THSD4: variants seen among roughly 807,000 people sequenced by gnomAD.
THSD4 encodes thrombospondin type 1 domain containing 4.
Under a neutral mutation model 119.0 loss-of-function variants are expected in THSD4, and 69 were observed. That is an observed-to-expected ratio of 0.58 (90% CI 0.48 to 0.71). THSD4 has a LOEUF of 0.71. Ranked by LOEUF, THSD4 falls within the 30% of genes least tolerant of loss-of-function variation. The pLI is 0.00. For missense variants in THSD4, 1,393 were observed against 1,391.1 expected (o/e 1.00, Z -0.02); for synonymous variants, 524 against 540.4 (o/e 0.97, Z 0.42).
intron 6 of THSD4, among the ~76,000 whole-genome samples, chr15:71,274,997 TTCTC>T (rs1368758627): frequency 6.6e-6 from 1 of 152,188 alleles, no homozygotes; most frequent in African/African-American, 2.4e-5. Flanking sequence ...ATCCTATTGT[TTCTC>T]TCTTCCAAGA....
chr15:71,471,231 G>C (rs914022284), intron 7 of THSD4, among the ~76,000 whole-genome samples: 4 of 152,108 alleles, frequency 2.6e-5, no homozygotes, highest in Non-Finnish European at 4.4e-5. Context: ...TTGGATGTGA[G>C]CACATGGGCC....
Position 71,473,475 on chromosome 15 carries a change from G to A in THSD4, c.1152+61652G>A, listed in dbSNP as rs780126393. ...GAGCACGGAATTACTTGGAGTTGTCGCTGTTTCTGAGCCTTCAAATCTACC... is the reference window on the plus strand; with the variant it reads ...GAGCACGGAATTACTTGGAGTTGTCACTGTTTCTGAGCCTTCAAATCTACC... On this transcript the variant is annotated intron_variant, in intron 7 of 17. Transcript: ENST00000261862. Among the ~76,000 whole-genome samples the A allele has an allele frequency of 5.9e-5, 9 of 152,296 alleles. No individual in the cohort carries two copies. The South Asian group carries it at 6.2e-4, about 11-fold the overall frequency.
At chr15:71,379,450 C>CCT (rs1566962165) in intron 6 of THSD4, among the ~76,000 whole-genome samples, 1 of 77,562 alleles carries the variant, frequency 1.3e-5, no homozygotes, top group African/African-American at 4.6e-5. Context: ...CAAATGGCTT[C>CCT]TTTTTTTTTT....
intron 6 of THSD4, among the ~76,000 whole-genome samples, chr15:71,395,962 CT>C (rs1407671293): frequency 6.8e-6 from 1 of 146,154 alleles, no homozygotes; most frequent in African/African-American, 2.5e-5. Context: ...CAAACACAGA[CT>C]TTGTTGAGCA....
intron 6 of THSD4, among the ~76,000 whole-genome samples, chr15:71,366,290 G>A (rs1406296569): frequency 6.6e-6 from 1 of 152,104 alleles, no homozygotes; most frequent in Non-Finnish European, 1.5e-5. Flanking sequence ...TAGCCAGGAT[G>A]GTCTCGATCT....
chr15:71,480,094 TG>T (rs1050308383), intron 7 of THSD4, among the ~76,000 whole-genome samples: 5 of 152,220 alleles, frequency 3.3e-5, no homozygotes, highest in Non-Finnish European at 5.9e-5. Flanking sequence ...TAGAGTGCAG[TG>T]GTGGGATCTC....
chr15:71,745,314 A>G, intron 12 of THSD4, 79 bp downstream of exon 12: 1 of 1,538,164 alleles, frequency 6.5e-7, no homozygotes, highest in Non-Finnish European at 8.8e-7. Context: ...AGGAACAGAT[A>G]TAAGTCAGTC....
intron 6 of THSD4, among the ~76,000 whole-genome samples, chr15:71,289,381 G>T (rs148352798): frequency 1.4e-4 from 21 of 152,242 alleles, no homozygotes; most frequent in African/African-American, 3.9e-4. Context: ...AGGCTCAGTT[G>T]CACTGGACGC....
chr15:71,251,344 C>T (rs992459449), intron 5 of THSD4, among the ~76,000 whole-genome samples: 3 of 152,152 alleles, frequency 2.0e-5, no homozygotes, highest in Admixed American at 6.6e-5. Context: ...CTTCAGCAAA[C>T]ATTTATTCAG....
intron 6 of THSD4, among the ~76,000 whole-genome samples, chr15:71,333,033 T>C (rs1381074671): frequency 6.6e-6 from 1 of 151,920 alleles, no homozygotes; most frequent in Non-Finnish European, 1.5e-5. Flanking sequence ...CTAGCTCACC[T>C]AGACTCCATT....
At chr15:71,363,539 G>C (rs955237129) in intron 6 of THSD4, among the ~76,000 whole-genome samples, 4 of 152,156 alleles carry the variant, frequency 2.6e-5, no homozygotes, top group African/African-American at 9.7e-5. Flanking sequence ...TAGTGTCTCA[G>C]GCAGCAGTGG....
intron 7 of THSD4, among the ~76,000 whole-genome samples, chr15:71,436,653 G>GA (rs2047016881): frequency 6.6e-6 from 1 of 152,026 alleles, no homozygotes; most frequent in African/African-American, 2.4e-5. Context: ...GGAGGTTTGT[G>GA]AATATCAACA....
chr15:71,562,431 A>G (rs920386940), intron 7 of THSD4, among the ~76,000 whole-genome samples: 4 of 152,182 alleles, frequency 2.6e-5, no homozygotes, highest in African/African-American at 9.7e-5. Context: ...AACTTATCAT[A>G]TTATGATTCA....
intron 8 of THSD4, among the ~76,000 whole-genome samples, chr15:71,663,207 G>A (rs922546688): frequency 6.6e-6 from 1 of 151,834 alleles, no homozygotes; most frequent in Admixed American, 6.6e-5. Context: ...AGTTGTAATC[G>A]TGCCACTGCA....
Position 71,160,842 on chromosome 15 carries a change from T to C in THSD4, c.99+5910T>C, listed in dbSNP as rs2043243464. ...TATTATTTCCTTCCTTCTAGCAATT[T>C]TGGGTTTAGTTTGTTCTTGAGGTTC... On this transcript the variant is annotated intron_variant, in intron 3 of 17. Coordinates refer to ENST00000261862, the MANE Select transcript of THSD4 (RefSeq NM_024817.3). Among the ~76,000 whole-genome samples, 3 of 151,932 alleles carry C rather than the reference T, an allele frequency of 2.0e-5. No homozygotes were observed. The South Asian group carries it at 6.2e-4, about 32-fold the overall frequency.
chr15:71,660,551 T>A lies in THSD4; in HGVS notation c.1174T>A (p.Leu392Ile), dbSNP rs1397217530. ...QCKSIGCDDY[L>I]GSDKVVDKCG... ...GCAGAGCATTGGCTGTGATGACTACTTAGGCTCCGACAAAGTCGTGGACAA... is the reference window on the plus strand; with the variant it reads ...GCAGAGCATTGGCTGTGATGACTACATAGGCTCCGACAAAGTCGTGGACAA... The change falls in exon 8 of 18, where the codon TTA becomes ATA. Residue 392 changes from leucine to isoleucine, a missense_variant. By Grantham distance (5) the Leu-to-Ile change is conservative. Transcript: ENST00000261862. The A allele has an allele frequency of 1.2e-6, 2 of 1,614,110 alleles. No individual in the cohort carries two copies. Among genetic ancestry groups the A allele is most frequent in the Admixed American group, 3.3e-5 (2 of 60,012 alleles).
At chr15:71,673,096 C>T (rs1044398412) in intron 8 of THSD4, among the ~76,000 whole-genome samples, 4 of 152,138 alleles carry the variant, frequency 2.6e-5, no homozygotes, top group Non-Finnish European at 4.4e-5. Flanking sequence ...TGGTAGAATT[C>T]GGCTGTGAAT....
At chr15:71,575,734 G>C (rs1194381428) in intron 7 of THSD4, among the ~76,000 whole-genome samples, 1 of 152,120 alleles carries the variant, frequency 6.6e-6, no homozygotes, top group East Asian at 1.9e-4. Context: ...GAGGACTGTA[G>C]GAAATTTATG....
intron 6 of THSD4, among the ~76,000 whole-genome samples, chr15:71,378,400 G>A (rs1052638820): frequency 2.6e-5 from 4 of 152,166 alleles, no homozygotes; most frequent in African/African-American, 9.7e-5. Context: ...CTTCTTTCCA[G>A]GTGTGGACCA....
Sources: allele counts gnomAD v4.1 joint callset (sites outside exome capture counted in the v4.1 genomes callset), GRCh38; gene constraint gnomAD v4.1.1; transcripts MANE v1.5; gene names NCBI Gene and HGNC (gene_info 2026-07-23, HGNC 2026-07-21).